Variants in POF1B observed in about 807,000 individuals in gnomAD.
POF1B encodes POF1B actin binding protein.
POF1B carries 53 observed loss-of-function variants against 55.3 expected under a neutral mutation model. That is an observed-to-expected ratio of 0.96 (90% CI 0.77 to 1.20). POF1B has a LOEUF of 1.20. Among genes scored for constraint, POF1B ranks in the 50% most tolerant of loss-of-function variants. POF1B has a pLI of 0.00. For synonymous variants in POF1B, 188 were observed against 148.3 expected (o/e 1.27, Z -1.95); for missense variants, 478 against 420.5 (o/e 1.14, Z -1.20).
intron 8 of POF1B, among the ~76,000 whole-genome samples, chrX:85,314,894 T>C (rs973021082): frequency 6.3e-5 from 7 of 111,784 alleles, no homozygotes; most frequent in African/African-American, 1.9e-4. Context: ...TTCTAGAAGC[T>C]GATTTTTGAA....
At chrX:85,331,381 G>T (rs144102491) in intron 6 of POF1B, among the ~76,000 whole-genome samples, 7 of 110,806 alleles carry the variant, frequency 6.3e-5, no homozygotes, top group Middle Eastern at 4.7e-3. Flanking sequence ...AAATCACATG[G>T]CTTATTCATA....
chrX:85,284,243 T>C (rs1417440802), intron 15 of POF1B, among the ~76,000 whole-genome samples: 1 of 111,479 alleles, frequency 9.0e-6, no homozygotes, highest in African/African-American at 3.3e-5. Flanking sequence ...AGGTAATTTA[T>C]AGATTCAATG....
intron 7 of POF1B, among the ~76,000 whole-genome samples, chrX:85,320,024 G>A (rs900195364): frequency 9.0e-6 from 1 of 110,731 alleles, no homozygotes; most frequent in African/African-American, 3.3e-5. Flanking sequence ...TATTTGCTAG[G>A]CTCTTTATTA....
chrX:85,313,588 T>C (rs1386477766), intron 9 of POF1B, among the ~76,000 whole-genome samples: 1 of 111,809 alleles, frequency 8.9e-6, no homozygotes, highest in Non-Finnish European at 1.9e-5. Flanking sequence ...TGTATTTTAT[T>C]GAGGATTTTT....
intron 9 of POF1B, among the ~76,000 whole-genome samples, chrX:85,311,877 C>T (rs1299535648): frequency 3.6e-5 from 4 of 111,908 alleles, no homozygotes; most frequent in Admixed American, 9.5e-5. Context: ...TTCTAACTCA[C>T]GTGAGATGGT....
intron 4 of POF1B, among the ~76,000 whole-genome samples, chrX:85,355,845 G>A (rs1388133683): frequency 1.8e-5 from 2 of 111,160 alleles, no homozygotes; most frequent in Non-Finnish European, 3.8e-5. Flanking sequence ...ATAGGAACAC[G>A]TTTACACTGT....
intron 4 of POF1B, among the ~76,000 whole-genome samples, chrX:85,353,121 T>C (rs1933421956): frequency 1.8e-5 from 2 of 111,262 alleles, no homozygotes; most frequent in South Asian, 7.4e-4. Flanking sequence ...CATCTGGCTG[T>C]GCTCTAGTAG....
chrX:85,336,054 T>A lies in POF1B; in HGVS notation c.724-4975A>T, dbSNP rs142609426. Among the ~76,000 whole-genome samples the A allele has an allele frequency of 4.6e-3, 504 of 110,605 alleles. 2 individuals are homozygous for A. The highest frequency in any genetic ancestry group is 8.3e-3 in the Admixed American group (86 of 10,320). On this transcript the variant is annotated intron_variant, in intron 6 of 16. Transcript: ENST00000262753. The stretch of plus-strand genomic sequence containing the variant: ...AACCATACTCTACTCTCTATCTCCA[T>A]GAGTTCTAATGTTTTGTATTTTAGT...
intron 14 of POF1B, among the ~76,000 whole-genome samples, chrX:85,303,989 C>T (rs1471939783): frequency 1.8e-5 from 2 of 110,679 alleles, no homozygotes; most frequent in East Asian, 5.6e-4. Flanking sequence ...TCATGGGCTA[C>T]ATGCTACAGA....
intron 8 of POF1B, 125 bp downstream of exon 8, chrX:85,315,582 A>AT: frequency 2.0e-6 from 1 of 509,615 alleles, no homozygotes; most frequent in Non-Finnish European, 2.9e-6. Context: ...ATGGCCATAA[A>AT]TTTTTTCACT....
intron 6 of POF1B, among the ~76,000 whole-genome samples, chrX:85,331,475 C>T (rs1182734063): frequency 9.0e-6 from 1 of 110,533 alleles, no homozygotes. Context: ...AATAAAAGTA[C>T]ATATTTATGA....
At chrX:85,329,644 TAAA>T (rs1223303666) in intron 7 of POF1B, among the ~76,000 whole-genome samples, 1,773 of 104,878 alleles carry the variant, frequency 0.017, 38 homozygotes, top group African/African-American at 0.059. Context: ...TTTTTTTTTT[TAAA>T]AAAAGAGAAT....
chrX:85,292,572 T>TTTG (rs1298640070), intron 15 of POF1B, among the ~76,000 whole-genome samples: 1 of 111,513 alleles, frequency 9.0e-6, no homozygotes, highest in Non-Finnish European at 1.9e-5. Flanking sequence ...TCCTGGCCTT[T>TTTG]TTGTTGTTGT....
intron 7 of POF1B, among the ~76,000 whole-genome samples, chrX:85,321,966 A>C (rs761780767): frequency 9.0e-6 from 1 of 110,766 alleles, no homozygotes; most frequent in Admixed American, 9.6e-5. Flanking sequence ...ATGGAAGAAC[A>C]TTCCATGTTC....
intron 2 of POF1B, among the ~76,000 whole-genome samples, chrX:85,376,101 C>T (rs1315701111): frequency 9.0e-6 from 1 of 111,441 alleles, no homozygotes; most frequent in Non-Finnish European, 1.9e-5. Context: ...AAAAAATAGG[C>T]ACTTAATAAA....
At chrX:85,320,520 C>T (rs1603044104) in intron 7 of POF1B, among the ~76,000 whole-genome samples, 2 of 110,846 alleles carry the variant, frequency 1.8e-5, no homozygotes, top group East Asian at 5.7e-4. Flanking sequence ...CGTAACATCA[C>T]AATTAAAAGA....
intron 3 of POF1B, among the ~76,000 whole-genome samples, chrX:85,364,545 T>C (rs994080903): frequency 9.0e-6 from 1 of 111,442 alleles, no homozygotes; most frequent in Non-Finnish European, 1.9e-5. Flanking sequence ...TGTTTGATGA[T>C]TTTTTTTCTT....
chrX:85,330,971 G>A lies in POF1B; in HGVS notation c.832C>T (p.His278Tyr), dbSNP rs758364589. 1.3e-5 allele frequency: 16 copies of A among 1,193,739 alleles called. No individual in the cohort carries two copies. Among genetic ancestry groups the A allele is most frequent in the Non-Finnish European group, 1.4e-5 (12 of 887,526 alleles). ...TACCTTCCTCCAATTCTCTGCAAAT[G>A]TTCTAATAAGCAGTGATATAGATCC... ...NTDLYHCLLEHLQRIGGSKQD... is the reference protein window; with the variant it reads ...NTDLYHCLLEYLQRIGGSKQD... Residue 278 changes from histidine (H) to tyrosine (Y), a missense_variant, in exon 7 of 17, where the codon CAT becomes TAT. By Grantham distance (83) the His-to-Tyr change is moderately conservative. Coordinates refer to ENST00000262753, the MANE Select transcript of POF1B (RefSeq NM_024921.4).
chrX:85,332,223 C>T (rs1471005060), intron 6 of POF1B, among the ~76,000 whole-genome samples: 3 of 111,518 alleles, frequency 2.7e-5, no homozygotes, highest in African/African-American at 9.8e-5. Flanking sequence ...TGTGTTTTAA[C>T]GTATTTCTTG....
Sources: allele counts gnomAD v4.1 joint callset (sites outside exome capture counted in the v4.1 genomes callset), GRCh38; gene constraint gnomAD v4.1.1; transcripts MANE v1.5; gene names NCBI Gene and HGNC (gene_info 2026-07-23, HGNC 2026-07-21).